Variants in GNA13 observed in about 807,000 individuals in gnomAD.
The protein encoded by GNA13 is G protein subunit alpha 13.
Under a neutral mutation model 33.5 loss-of-function variants are expected in GNA13, and 4 were observed. The observed-to-expected ratio is 0.12, with a 90% CI of 0.06 to 0.27. The LOEUF is 0.27. GNA13 is among the 10% of genes least tolerant of loss of function. The pLI, the probability that GNA13 is intolerant of heterozygous loss-of-function variation, is 1.00. For missense variants in GNA13, 319 were observed against 487.2 expected, an observed-to-expected ratio of 0.65 and a Z score of 3.25; for synonymous variants, 176 against 183.8, an observed-to-expected ratio of 0.96 and a Z score of 0.34.
chr17:65,029,734 C>T (rs1286000626), intron 2 of GNA13, among the ~76,000 whole-genome samples: 1 of 152,158 alleles, frequency 6.6e-6, no homozygotes, highest in Non-Finnish European at 1.5e-5. Flanking sequence ...CAATTTTACC[C>T]TGTACAGAGC....
intron 2 of GNA13, among the ~76,000 whole-genome samples, chr17:65,041,328 T>C (rs1907445855): frequency 6.6e-6 from 1 of 152,160 alleles, no homozygotes; most frequent in Non-Finnish European, 1.5e-5. Flanking sequence ...TGAGGTGGTA[T>C]AGAAGAGTTT....
In GNA13 at chr17:65,014,442, G is replaced by A. The variant is rs1437667033; in HGVS notation, c.949C>T (p.His317Tyr). ...AATTTTTGGACGTCTCTTAAGCAGT[G>A]GGGATCCCCTTCAAATTCTAGGAAA... ...DYFLEFEGDP[H>Y]CLRDVQKFLV... The change falls in exon 4 of 4, where the codon CAC (histidine) becomes TAC (tyrosine). Residue 317 changes from histidine (H) to tyrosine (Y), a missense_variant. Transcript: ENST00000439174. The surrounding 1 kb of genome is among the most constrained non-coding windows in gnomAD (Gnocchi z 5.3). The A allele has an allele frequency of 6.2e-7, 1 of 1,613,946 alleles. No individual in the cohort carries two copies. Among genetic ancestry groups the A allele is most frequent in the Non-Finnish European group, 8.5e-7 (1 of 1,179,966 alleles).
At chr17:65,045,950 G>A (rs138372374) in intron 2 of GNA13, among the ~76,000 whole-genome samples, 1 of 152,308 alleles carries the variant, frequency 6.6e-6, no homozygotes, top group East Asian at 1.9e-4. Flanking sequence ...TAGTAAAATG[G>A]TTTGGTGGCC....
intron 2 of GNA13, among the ~76,000 whole-genome samples, chr17:65,023,102 T>C (rs1330250762): frequency 6.6e-6 from 1 of 152,200 alleles, no homozygotes; most frequent in East Asian, 1.9e-4. Flanking sequence ...TCAGAGAAGC[T>C]GAGAAAACAC....
intron 2 of GNA13, among the ~76,000 whole-genome samples, chr17:65,023,733 T>C (rs1179201600): frequency 6.6e-6 from 1 of 152,202 alleles, no homozygotes; most frequent in Admixed American, 6.5e-5. Flanking sequence ...GTGGACATAA[T>C]ATTTCTAAAC....
intron 2 of GNA13, among the ~76,000 whole-genome samples, chr17:65,021,244 A>G (rs1906572011): frequency 6.6e-6 from 1 of 152,218 alleles, no homozygotes; most frequent in African/African-American, 2.4e-5. Context: ...TCAACAAACA[A>G]TATTAGGTGA....
rs1362173473 is a variant in GNA13 at position 65,013,322 on chromosome 17, A to G, written c.*935T>C. On this transcript the variant is annotated 3_prime_UTR_variant, in exon 4 of 4. Transcript: ENST00000439174. Reference sequence around the variant, plus strand: ...GATAGATGTTTGTGATGATACAACAATGATTTCCTACAGTAAGGATTGGTC... The same window carrying G: ...GATAGATGTTTGTGATGATACAACAGTGATTTCCTACAGTAAGGATTGGTC... The G allele has an allele frequency of 9.6e-6, 2 of 208,142 alleles. No homozygotes were observed. Among genetic ancestry groups the G allele is most frequent in the Non-Finnish European group, 2.0e-5 (2 of 102,312 alleles). The allele number at this position is 208,142 out of a possible 1,614,324, so 12.9% of individuals were successfully genotyped here.
chr17:65,016,608 C>T (rs1256068796), intron 3 of GNA13, among the ~76,000 whole-genome samples: 1 of 152,196 alleles, frequency 6.6e-6, no homozygotes, highest in South Asian at 2.1e-4. Context: ...GTGATCCTCC[C>T]GCCTCAGCCT....
intron 3 of GNA13, among the ~76,000 whole-genome samples, chr17:65,015,310 CAG>C (rs533215719): frequency 5.1e-4 from 78 of 152,180 alleles, no homozygotes; most frequent in African/African-American, 1.7e-3. Flanking sequence ...TGGTTCTAGC[CAG>C]AGTGATCTTC....
chr17:65,018,221 A>T, intron 3 of GNA13, 32 bp downstream of exon 3: 1 of 1,232,078 alleles, frequency 8.1e-7, no homozygotes, highest in South Asian at 1.2e-5. Flanking sequence ...TTCAAATGGC[A>T]CTAAACATAA....
rs540002660 is a variant in GNA13 at position 65,009,409 on chromosome 17, T to C, written c.*4848A>G. 6.6e-6 allele frequency among the ~76,000 whole-genome samples: 1 copy of C among 152,340 alleles called. No individual in the cohort carries two copies. Among genetic ancestry groups the C allele is most frequent in the East Asian group, 1.9e-4 (1 of 5,186 alleles). On this transcript the variant is annotated 3_prime_UTR_variant, in exon 4 of 4. Transcript: ENST00000439174. The stretch of plus-strand genomic sequence containing the variant: ...TAAAAAGCTGTAATGAACTAGCAAC[T>C]CATTTTATAAAATCAAACCATTCTT...
At chr17:65,029,306 T>C (rs1231054546) in intron 2 of GNA13, among the ~76,000 whole-genome samples, 3 of 152,214 alleles carry the variant, frequency 2.0e-5, no homozygotes, top group African/African-American at 4.8e-5. Context: ...TCTGTGCATA[T>C]TCCTACCTCC....
At chr17:65,019,275 C>A (rs1452206545) in intron 2 of GNA13, among the ~76,000 whole-genome samples, 3 of 152,096 alleles carry the variant, frequency 2.0e-5, no homozygotes, top group Non-Finnish European at 4.4e-5. Flanking sequence ...TTTTTGGTCT[C>A]AAGATCACAC....
chr17:65,044,805 G>C (rs1463899399), intron 2 of GNA13, among the ~76,000 whole-genome samples: 1 of 152,274 alleles, frequency 6.6e-6, no homozygotes, highest in East Asian at 1.9e-4. Flanking sequence ...CATTTTGGGA[G>C]GCTAAGGCGG....
At chr17:65,031,087 G>A (rs1461290277) in intron 2 of GNA13, among the ~76,000 whole-genome samples, 1 of 152,146 alleles carries the variant, frequency 6.6e-6, no homozygotes, top group African/African-American at 2.4e-5. Context: ...AACCAACCAA[G>A]TGCTATAAAG....
rs145051963 is a variant in GNA13, at chr17:65,037,777, G to GAAAAAAAA, written c.510+15724_510+15725insTTTTTTTT. 1.9e-3 allele frequency among the ~76,000 whole-genome samples: 155 copies of GAAAAAAAA among 82,054 alleles called. 38 individuals carry two copies. Among genetic ancestry groups the GAAAAAAAA allele is most frequent in the East Asian group, 2.3e-3 (6 of 2,558 alleles). 53.8% of individuals were successfully genotyped at this position (82,054 alleles called of 152,430 possible). On this transcript the variant is annotated intron_variant, in intron 2 of 3. Coordinates refer to ENST00000439174, the MANE Select transcript of GNA13 (RefSeq NM_006572.6). ...AGAGAGACCCAGCCTCTACAAAAATGGAAAAAAAAAAAAAAAAAAAAAAGA... is the reference window on the plus strand; with the variant it reads ...AGAGAGACCCAGCCTCTACAAAAATGAAAAAAAAGAAAAAAAAAAAAAAAAAAAAAAGA...
rs910238311 is a variant in GNA13 at position 65,012,893 on chromosome 17, A to G, written c.*1364T>C. On this transcript the variant is annotated 3_prime_UTR_variant, in exon 4 of 4. Transcript: ENST00000439174. ...TGTAGCACTACATACAGCCTAGAAGATAGTATTTCAGTACTGCAAACCAGC... is the reference window on the plus strand; with the variant it reads ...TGTAGCACTACATACAGCCTAGAAGGTAGTATTTCAGTACTGCAAACCAGC... The G allele has an allele frequency of 2.3e-5, 5 of 220,840 alleles. No individual in the cohort carries two copies. Among genetic ancestry groups the G allele is most frequent in the Non-Finnish European group, 4.5e-5 (5 of 110,276 alleles). 13.7% of individuals were successfully genotyped at this position (220,840 alleles called of 1,614,324 possible).
chr17:65,056,619 C>T lies in GNA13; in HGVS notation c.-26G>A, dbSNP rs1262675215. On this transcript the variant is annotated 5_prime_UTR_variant, in exon 1 of 4. Transcript: ENST00000439174. ...CTTGCCGCCGCCGCCGCCGCCTCGG[C>T]GGGCCCCTCCGGCTCCCTCCACCTC... 2.5e-6 allele frequency: 4 copies of T among 1,590,770 alleles called. No individual in the cohort carries two copies. The highest frequency in any genetic ancestry group is 3.4e-6 in the Non-Finnish European group (4 of 1,172,956).
intron 2 of GNA13, 94 bp downstream of exon 2, chr17:65,053,408 G>T (rs1278929760): frequency 2.6e-6 from 2 of 780,318 alleles, no homozygotes; most frequent in African/African-American, 1.7e-5. Flanking sequence ...TTAGATTTGG[G>T]AACATTTCGA....
Sources: allele counts gnomAD v4.1 joint callset (sites outside exome capture counted in the v4.1 genomes callset), GRCh38; gene constraint gnomAD v4.1.1; non-coding constraint Gnocchi (gnomAD v3.1); transcripts MANE v1.5; gene names NCBI Gene and HGNC (gene_info 2026-07-23, HGNC 2026-07-21).